The following HKDC1 variants were observed in gnomAD, a reference collection of about 807,000 sequenced individuals.
HKDC1 encodes the protein hexokinase domain containing 1.
A neutral mutation model predicts 96.6 loss-of-function variants in HKDC1; 66 were observed. That is an observed-to-expected ratio of 0.68 (90% CI 0.56 to 0.84). The LOEUF (loss-of-function observed/expected upper bound fraction) is 0.84, where lower values mean the gene tolerates loss of function less well. Ranked by LOEUF, HKDC1 falls within the 40% of genes least tolerant of loss-of-function variation. HKDC1 has a pLI of 0.00. For missense variants in HKDC1, 1,211 were observed against 1,208.1 expected (o/e 1.00, Z -0.04); for synonymous variants, 466 against 473.1 (o/e 0.98, Z 0.20).
rs1000202029 is a variant in HKDC1, at chr10:69,260,956, G to A, written c.2217-183G>A. 2.6e-5 allele frequency among the ~76,000 whole-genome samples: 4 copies of A among 152,106 alleles called. No individual in the cohort carries two copies. In the South Asian group the frequency reaches 6.2e-4, roughly 24 times the overall value. On this transcript the variant is annotated intron_variant, in intron 15 of 17. Transcript: ENST00000354624. ...TGCCTCCTAACAGTCTTGTAGGGGC[G>A]CTACTCTTCTCCCTGTTTTGTAGAT...
chr10:69,254,641 G>A (rs1202363940), intron 12 of HKDC1, among the ~76,000 whole-genome samples: 3 of 152,104 alleles, frequency 2.0e-5, no homozygotes, highest in Non-Finnish European at 2.9e-5. Context: ...TTTTATAGGT[G>A]TGTTTTGTGG....
At chr10:69,258,003 G>T (rs1433202770) in intron 14 of HKDC1, among the ~76,000 whole-genome samples, 2 of 152,196 alleles carry the variant, frequency 1.3e-5, no homozygotes, top group Non-Finnish European at 2.9e-5. Context: ...AGGCATTCCA[G>T]GTGATAGGCA....
At chr10:69,261,513 C>T in intron 16 of HKDC1, 1 of 478,914 alleles carries the variant, frequency 2.1e-6, no homozygotes, top group Non-Finnish European at 3.8e-6. Flanking sequence ...GTCCTGCTGT[C>T]CCCATCCTCA....
intron 4 of HKDC1, among the ~76,000 whole-genome samples, chr10:69,233,905 A>AAAAAAAAAAAAAAT (rs1843319197): frequency 6.7e-6 from 1 of 149,656 alleles, no homozygotes; most frequent in African/African-American, 2.5e-5. Flanking sequence ...CTCAAAAAAA[A>AAAAAAAAAAAAAAT]AAAAAGGAAT....
At position 69,243,173 on chromosome 10, in the gene HKDC1, C is replaced by G; in HGVS notation, c.692-9C>G. ...TCTCTCTGCATATTCTCTCTGATCC[C>G]TGGTTCAGGAACTGGCACCAATGCG... On this transcript the variant is annotated splice_polypyrimidine_tract_variant and intron_variant, in intron 6 of 17. Transcript: ENST00000354624. The G allele has an allele frequency of 1.9e-6, 3 of 1,614,110 alleles. No individual in the cohort carries two copies. The highest frequency in any genetic ancestry group is 2.5e-6 in the Non-Finnish European group (3 of 1,179,964).
At chr10:69,226,975 T>G (rs981132342) in intron 1 of HKDC1, among the ~76,000 whole-genome samples, 20 of 152,204 alleles carry the variant, frequency 1.3e-4, no homozygotes, top group African/African-American at 4.8e-4. Flanking sequence ...GATTCTGCCC[T>G]TCAGAGAAGT....
Position 69,227,367 on chromosome 10 carries a change from C to T in HKDC1, c.224C>T (p.Ser75Phe), listed in dbSNP as rs1408493981. The T allele has an allele frequency of 1.9e-6, 3 of 1,614,140 alleles. No individual in the cohort carries two copies. The highest frequency in any genetic ancestry group is 2.5e-6 in the Non-Finnish European group (3 of 1,180,006). The change falls in exon 2 of 18, where the codon TCC becomes TTC. Residue 75 changes from serine to phenylalanine, a missense_variant and splice_region_variant. By Grantham distance (155) the Ser-to-Phe change is radical. Transcript: ENST00000354624. Reference sequence around the variant, plus strand: ...TTCGTCAGGGCCATTCCCGATGGTTCCGGTGAGTGCAGTTGTCCGCTGCCA... The same window carrying T: ...TTCGTCAGGGCCATTCCCGATGGTTTCGGTGAGTGCAGTTGTCCGCTGCCA... ...PTFVRAIPDG[S>F]ENGEFLSLDL... is the part of the protein sequence containing the mutation.
rs141455541 is a variant in HKDC1 at position 69,250,454 on chromosome 10, C to G, written c.1716+19C>G. ...TGAGGAGGTAAGTGCCAGGCAAGGC[C>G]TTTGGGCTCCGAGGTGCCAGCCTGC... is the stretch of plus-strand genomic sequence containing the variant. On this transcript the variant is annotated intron_variant, in intron 11 of 17. Transcript: ENST00000354624. The G allele has an allele frequency of 3.7e-6, 6 of 1,612,066 alleles. No homozygotes were observed. The highest frequency in any genetic ancestry group is 5.1e-6 in the Non-Finnish European group (6 of 1,178,300).
chr10:69,244,664 T>TA (rs11348828), intron 7 of HKDC1, among the ~76,000 whole-genome samples: 2 of 149,890 alleles, frequency 1.3e-5, no homozygotes, highest in African/African-American at 4.9e-5. Context: ...AAATAAAAAT[T>TA]AAAAAAAAAA....
intron 4 of HKDC1, 48 bp from the exon 5 acceptor site, chr10:69,238,994 C>A: frequency 7.2e-7 from 1 of 1,391,350 alleles, no homozygotes; most frequent in Non-Finnish European, 1.0e-6. Flanking sequence ...CTCAGTTGCA[C>A]ATCTCAGCAC....
rs200227936 is a variant in HKDC1, at chr10:69,261,220, C to T, written c.2298C>T (p.Leu766=). 138 of 1,614,042 alleles carry T rather than the reference C, an allele frequency of 8.5e-5. No homozygotes were observed. Among genetic ancestry groups the T allele is most frequent in the East Asian group, 6.5e-4 (29 of 44,894 alleles). Residue 766 remains leucine (L), a synonymous_variant, in exon 16 of 18, where the codon CTC becomes CTT. Transcript: ENST00000354624. ...TCGACCTGACCAAGCAGGGTCTCCT[C>T]TTCCGAGGGCAGATTTCAGAGCGTC... ...ILIDLTKQGL[L]FRGQISERLR... is the part of the protein sequence containing the mutation.
intron 12 of HKDC1, among the ~76,000 whole-genome samples, chr10:69,253,400 C>A (rs1448070129): frequency 6.6e-6 from 1 of 152,154 alleles, no homozygotes; most frequent in African/African-American, 2.4e-5. Context: ...GGGAGCAGGC[C>A]CAGATGAGGC....
At chr10:69,222,380 T>TCA (rs35696875) in intron 1 of HKDC1, among the ~76,000 whole-genome samples, 79,146 of 151,984 alleles carry the variant, frequency 0.52, 23,496 homozygotes, top group Non-Finnish European at 0.67. Context: ...TTGATTAGAT[T>TCA]CAGAGCCCTC....
At chr10:69,233,882 A>G (rs1843317733) in intron 4 of HKDC1, among the ~76,000 whole-genome samples, 1 of 59,310 alleles carries the variant, frequency 1.7e-5, no homozygotes. Context: ...TGGGTGACAG[A>G]GCAAGACTCC....
intron 1 of HKDC1, among the ~76,000 whole-genome samples, chr10:69,222,041 G>A (rs1488719607): frequency 6.6e-6 from 1 of 152,194 alleles, no homozygotes; most frequent in Non-Finnish European, 1.5e-5. Flanking sequence ...GGCCAACATG[G>A]TGAAACCCCG....
Position 69,266,707 on chromosome 10 carries a change from C to T in HKDC1, c.2704C>T (p.Leu902=). ...SEDGSGKGAA[L]ITAVAKRLQQ... ...AGATGGCAGTGGAAAAGGGGCAGCA[C>T]TGATCACTGCTGTGGCCAAGAGGTT... The change falls in exon 18 of 18, where the codon CTG becomes TTG. Residue 902 remains leucine, a synonymous_variant. Transcript: ENST00000354624. 1.2e-6 allele frequency: 2 copies of T among 1,614,190 alleles called. No homozygotes were observed. Among genetic ancestry groups the T allele is most frequent in the Non-Finnish European group, 8.5e-7 (1 of 1,180,018 alleles).
At chr10:69,247,869 G>A (rs938922172) in intron 9 of HKDC1, among the ~76,000 whole-genome samples, 18 of 152,076 alleles carry the variant, frequency 1.2e-4, no homozygotes, top group South Asian at 4.1e-4. Flanking sequence ...TCCATCACCC[G>A]CCCATTCATC....
rs369176877 is a variant in HKDC1 at position 69,232,828 on chromosome 10, C to T, written c.291C>T (p.Val97=). 16 of 1,613,902 alleles carry T rather than the reference C, an allele frequency of 9.9e-6. No individual in the cohort carries two copies. The East Asian group carries it at 1.1e-4, about 11-fold the overall frequency. Residue 97 remains valine, a synonymous_variant, in exon 3 of 18, where the codon GTC becomes GTT. Coordinates refer to ENST00000354624, the MANE Select transcript of HKDC1 (RefSeq NM_025130.4). ...AGTTCCGAGTGCTGAAGGTGCAAGT[C>T]GCTGAAGAGGGGAAGCGACACGTGC... ...GSKFRVLKVQ[V]AEEGKRHVQM...
At chr10:69,232,981 T>C (rs1843295047) in intron 3 of HKDC1, 33 bp from the exon 4 acceptor site, 3 of 1,613,216 alleles carry the variant, frequency 1.9e-6, no homozygotes, top group Non-Finnish European at 2.5e-6. Flanking sequence ...AACCACACCT[T>C]AGCCCATGTA....
Sources: gnomAD v4.1 joint callset for allele counts (sites outside exome capture counted in the v4.1 genomes callset) on GRCh38, gnomAD v4.1.1 for gene constraint, MANE v1.5 for transcripts, NCBI Gene and HGNC (gene_info 2026-07-23, HGNC 2026-07-21) for gene names.